The following CHAT variants were observed in gnomAD, a reference collection of about 807,000 sequenced individuals.
CHAT encodes the protein choline O-acetyltransferase.
Under a neutral mutation model 76.9 loss-of-function variants are expected in CHAT, and 61 were observed. The observed-to-expected ratio is 0.79, with a 90% CI of 0.65 to 0.98. The LOEUF is 0.98. CHAT is among the 50% of genes least tolerant of loss of function. The probability of loss-of-function intolerance (pLI) is 0.00; values close to 1 mark genes in which losing one functional copy is unlikely to be tolerated. For synonymous variants in CHAT, 407 were observed against 397.4 expected, an observed-to-expected ratio of 1.02 and a Z score of -0.29; for missense variants, 946 against 986.9, an observed-to-expected ratio of 0.96 and a Z score of 0.56.
intron 1 of CHAT, chr10:49,615,636 G>C (rs1590553564): frequency 4.7e-6 from 1 of 210,640 alleles, no homozygotes; most frequent in Non-Finnish European, 9.5e-6. Flanking sequence ...ACATGAGTAT[G>C]TGCCTGTGGA....
In CHAT at chr10:49,627,656, G is replaced by T; in HGVS notation, c.982G>T (p.Asp328Tyr). The part of the protein sequence containing the change: ...VINFRRLSEG[D>Y]LFTQLRKIVK... ...TAATTTCCGCCGTCTCAGTGAGGGG[G>T]ATCTGTTCACTCAGTTGAGAAAGAT... Residue 328 changes from aspartate (D) to tyrosine (Y), a missense_variant, in exon 7 of 15, where the codon GAT (aspartate) becomes TAT (tyrosine). Coordinates refer to ENST00000337653, the MANE Select transcript of CHAT (RefSeq NM_020549.5). 6.2e-7 allele frequency: 1 copy of T among 1,614,142 alleles called. No individual in the cohort carries two copies. Among genetic ancestry groups the T allele is most frequent in the Non-Finnish European group, 8.5e-7 (1 of 1,179,990 alleles).
At chr10:49,627,491 A>G in intron 6 of CHAT, 117 bp from the exon 7 acceptor site, 2 of 1,059,660 alleles carry the variant, frequency 1.9e-6, no homozygotes, top group Non-Finnish European at 2.9e-6. Flanking sequence ...ACCACCAAAC[A>G]CCTTGGGAAC....
chr10:49,619,894 G>A lies in CHAT; in HGVS notation c.557G>A (p.Arg186Gln), dbSNP rs747996335. 23 of 1,612,314 alleles carry A rather than the reference G, an allele frequency of 1.4e-5. No homozygotes were observed. Among genetic ancestry groups the A allele is most frequent in the Admixed American group, 1.0e-4 (6 of 59,780 alleles). The change falls in exon 3 of 15, where the codon CGG becomes CAG. Residue 186 changes from arginine (R) to glutamine (Q), a missense_variant. Arg to Gln is a conservative substitution (Grantham distance 43, BLOSUM62 1). Coordinates refer to ENST00000337653, the MANE Select transcript of CHAT (RefSeq NM_020549.5). ...GETLQQKLLE[R>Q]QEKTANWVSE... Reference sequence around the variant, plus strand: ...ACCCTGCAGCAGAAACTCCTGGAGCGGCAGGAGAAGACAGCCAACTGGGTA... The same window carrying A: ...ACCCTGCAGCAGAAACTCCTGGAGCAGCAGGAGAAGACAGCCAACTGGGTA...
chr10:49,625,390 G>A (rs1838880048), intron 5 of CHAT, 83 bp from the exon 6 acceptor site: 1 of 1,352,348 alleles, frequency 7.4e-7, no homozygotes, highest in Non-Finnish European at 1.0e-6. Context: ...GCCTGATCAA[G>A]TTACAATAAA....
intron 7 of CHAT, among the ~76,000 whole-genome samples, chr10:49,633,081 C>A (rs1839179560): frequency 6.6e-6 from 1 of 152,204 alleles, no homozygotes; most frequent in Admixed American, 6.5e-5. Flanking sequence ...GAGGCCACGT[C>A]CACAGAGGAA....
upstream of CHAT, chr10:49,610,549 C>T (rs3750752): frequency 0.062 from 33,294 of 538,832 alleles, 2,366 homozygotes; most frequent in Admixed American, 0.26. Flanking sequence ...AGAGTAGCTG[C>T]AACGCCTCGC....
At chr10:49,610,793 C>T (rs779114635), upstream of CHAT, 4 of 1,585,564 alleles carry the variant, frequency 2.5e-6, no homozygotes, top group South Asian at 2.3e-5. Context: ...ACCAAGCTGT[C>T]GGAGGCTGTG....
chr10:49,627,648 G>C lies in CHAT; in HGVS notation c.974G>C (p.Ser325Thr), dbSNP rs768665020. 6.2e-7 allele frequency: 1 copy of C among 1,614,192 alleles called. No homozygotes were observed. The highest frequency in any genetic ancestry group is 1.7e-5 in the Admixed American group (1 of 60,028). ...GTTGTCATTAATTTCCGCCGTCTCA[G>C]TGAGGGGGATCTGTTCACTCAGTTG... The part of the protein sequence containing the change: ...LDVVINFRRL[S>T]EGDLFTQLRK... Residue 325 changes from serine (S) to threonine (T), a missense_variant, in exon 7 of 15, where the codon AGT becomes ACT. Coordinates refer to ENST00000337653, the MANE Select transcript of CHAT (RefSeq NM_020549.5).
intron 8 of CHAT, chr10:49,647,250 G>A (rs954761014): frequency 6.4e-6 from 1 of 157,082 alleles, no homozygotes; most frequent in Non-Finnish European, 1.4e-5. Context: ...CATGACATCA[G>A]CCTAGAAGCA....
chr10:49,609,465 C>A (rs1410478243), upstream of CHAT, among the ~76,000 whole-genome samples: 2 of 145,588 alleles, frequency 1.4e-5, no homozygotes, highest in Non-Finnish European at 3.0e-5. Context: ...GGAGGGGGTG[C>A]GGCGGCGGGG....
intron 13 of CHAT, among the ~76,000 whole-genome samples, chr10:49,660,456 A>G (rs891732322): frequency 6.9e-6 from 1 of 145,238 alleles, no homozygotes; most frequent in Non-Finnish European, 1.5e-5. Context: ...AAAAAAAAAA[A>G]GAGCTGAAAT....
intron 5 of CHAT, among the ~76,000 whole-genome samples, chr10:49,623,868 C>G (rs1272296522): frequency 6.6e-6 from 1 of 152,200 alleles, no homozygotes; most frequent in Admixed American, 6.5e-5. Flanking sequence ...TCCCCAAGCT[C>G]CCTCCTCCTT....
rs1237220229 is a variant in CHAT, at chr10:49,614,243, G to A, written c.54G>A (p.Lys18=). Residue 18 remains lysine, a synonymous_variant, in exon 1 of 15, where the codon AAG becomes AAA. Coordinates refer to ENST00000337653, the MANE Select transcript of CHAT (RefSeq NM_020549.5). The stretch of plus-strand genomic sequence containing the variant: ...GGCTTGGGGGAGGGGGGAAATGGAA[G>A]AGAGAGGAGGGAGGAGGTACAAGAG... ...KRGLGGGGKW[K]REEGGGTRGR... The A allele has an allele frequency of 1.9e-6, 3 of 1,544,566 alleles. No homozygotes were observed. The highest frequency in any genetic ancestry group is 1.7e-6 in the Non-Finnish European group (2 of 1,144,158).
At chr10:49,616,888 A>C (rs1838518238) in intron 2 of CHAT, among the ~76,000 whole-genome samples, 2 of 152,050 alleles carry the variant, frequency 1.3e-5, no homozygotes, top group Admixed American at 6.6e-5. Flanking sequence ...GCCTCTCTTC[A>C]TCCCAGCTTC....
intron 5 of CHAT, among the ~76,000 whole-genome samples, chr10:49,623,080 C>T (rs1263076182): frequency 6.6e-6 from 1 of 152,174 alleles, no homozygotes; most frequent in Non-Finnish European, 1.5e-5. Flanking sequence ...TCTGCTCACT[C>T]CTCTCTAAAT....
chr10:49,611,532 A>C (rs541153963), upstream of CHAT: 1 of 1,601,868 alleles, frequency 6.2e-7, no homozygotes, highest in Non-Finnish European at 8.5e-7. Flanking sequence ...CAGTGGCCAA[A>C]CCCTTCTCGG....
rs766040346 is a variant in CHAT at position 49,619,771 on chromosome 10, C to G, written c.434C>G (p.Thr145Arg). The G allele has an allele frequency of 8.7e-6, 14 of 1,613,952 alleles. No homozygotes were observed. The East Asian group carries it at 2.9e-4, about 33-fold the overall frequency. ...CCCCCGCTGCAGCAGACCCTGGCCA[C>G]GTACCTGCAGTGCATGCGACACTTG... ...PVPPLQQTLA[T>R]YLQCMRHLVS... Residue 145 changes from threonine to arginine, a missense_variant, in exon 3 of 15, where the codon ACG becomes AGG. Thr to Arg is a moderately conservative substitution (Grantham distance 71, BLOSUM62 -1). This residue lies in a region of CHAT where 548 missense variants were observed against 516.2 expected (regional missense o/e 1.06). Coordinates refer to ENST00000337653, the MANE Select transcript of CHAT (RefSeq NM_020549.5).
intron 1 of CHAT, among the ~76,000 whole-genome samples, chr10:49,614,684 A>G (rs968528683): frequency 9.2e-5 from 14 of 152,232 alleles, no homozygotes; most frequent in African/African-American, 3.4e-4. Flanking sequence ...AGGCTTAACC[A>G]TCAGGGCTTC....
intron 10 of CHAT, among the ~76,000 whole-genome samples, chr10:49,649,866 A>AT (rs59979541): frequency 2.5e-5 from 3 of 117,808 alleles, no homozygotes; most frequent in East Asian, 2.9e-4. Context: ...ACGCAGGGCT[A>AT]TTTTTTTTTT....
Sources: allele counts gnomAD v4.1 joint callset (sites outside exome capture counted in the v4.1 genomes callset), GRCh38; gene constraint gnomAD v4.1.1; regional missense constraint gnomAD v4.1.1; transcripts MANE v1.5; gene names NCBI Gene and HGNC (gene_info 2026-07-23, HGNC 2026-07-21).